BUB3: variants seen among roughly 807,000 people sequenced by gnomAD.
BUB3 encodes mitotic checkpoint protein BUB3.
Under a neutral mutation model 39.9 loss-of-function variants are expected in BUB3, and 22 were observed. The observed-to-expected ratio is 0.55, with a 90% confidence interval of 0.39 to 0.79. The LOEUF (loss-of-function observed/expected upper bound fraction) is 0.79, where lower values mean the gene tolerates loss of function less well. Among genes scored for constraint, BUB3 ranks in the 30% least tolerant of loss-of-function variants. The pLI is 0.00. For synonymous variants in BUB3, 168 were observed against 155.1 expected (o/e 1.08, Z -0.62); for missense variants, 303 against 415.4 (o/e 0.73, Z 2.35).
chr10:123,162,262 C>T lies in BUB3; in HGVS notation c.603C>T (p.Gly201=), dbSNP rs753308768. 44 of 1,613,866 alleles carry T rather than the reference C, an allele frequency of 2.7e-5. No individual in the cohort carries two copies. The Admixed American group carries it at 5.5e-4, about 20-fold the overall frequency. The change falls in exon 6 of 8, where the codon GGC becomes GGT. Residue 201 remains glycine, a synonymous_variant. Coordinates refer to ENST00000368865, the MANE Select transcript of BUB3 (RefSeq NM_004725.4). ...GTTATGTATTAAGCTCTATTGAAGG[C>T]CGAGTGGCAGTTGAGTATTTGGACC... The part of the protein sequence containing the change: ...KQGYVLSSIE[G]RVAVEYLDPS...
chr10:123,165,085 A>G lies in BUB3; in HGVS notation c.*1250A>G. On this transcript the variant is annotated 3_prime_UTR_variant, in exon 8 of 8. Transcript: ENST00000368865. ...TCCTGTGAAAGTGGTTTCTCTATGG[A>G]AAGCTTTGTTTGCTTCCTACAAATA... is the stretch of plus-strand genomic sequence containing the variant. 5.0e-6 allele frequency: 8 copies of G among 1,606,058 alleles called. No individual in the cohort carries two copies. Among genetic ancestry groups the G allele is most frequent in the Non-Finnish European group, 6.8e-6 (8 of 1,174,608 alleles).
rs561613803 is a variant in BUB3 at position 123,166,003 on chromosome 10, G to A, written c.*2168G>A. 5.9e-5 allele frequency: 9 copies of A among 152,298 alleles called. No individual in the cohort carries two copies. Among genetic ancestry groups the A allele is most frequent in the Admixed American group, 2.0e-4 (3 of 15,300 alleles). The allele number at this position is 152,298 out of a possible 1,614,324, so 9.4% of individuals were successfully genotyped here. On this transcript the variant is annotated 3_prime_UTR_variant, in exon 8 of 8. Coordinates refer to ENST00000368865, the MANE Select transcript of BUB3 (RefSeq NM_004725.4). ...GTAATGTGGACTTGTTTTTGAGGTG[G>A]TGAGGGAGGGCTTATTTTGTGGTTC...
Position 123,163,923 on chromosome 10 carries a change from A to T in BUB3, c.*88A>T. The T allele has an allele frequency of 7.2e-7, 1 of 1,398,184 alleles. No individual in the cohort carries two copies. The highest frequency in any genetic ancestry group is 9.5e-7 in the Non-Finnish European group (1 of 1,055,332). 86.6% of individuals were successfully genotyped at this position (1,398,184 alleles called of 1,614,324 possible). The stretch of plus-strand genomic sequence containing the variant: ...TGGATTTATTACTATTAAAGAAACC[A>T]GGGAAAATATTAATTTTAATATTAT... On this transcript the variant is annotated 3_prime_UTR_variant, in exon 8 of 8. Transcript: ENST00000368865.
chr10:123,167,171 A>G lies in BUB3; in HGVS notation c.*3336A>G, dbSNP rs1844503259. The G allele has an allele frequency of 6.6e-6, 1 of 152,216 alleles. No individual in the cohort carries two copies. Among genetic ancestry groups the G allele is most frequent in the African/African-American group, 2.4e-5 (1 of 41,448 alleles). 9.4% of individuals were successfully genotyped at this position (152,216 alleles called of 1,614,324 possible). A position where few individuals can be genotyped will look rare whatever the true frequency, so the allele number is the denominator to read the frequency against. On this transcript the variant is annotated 3_prime_UTR_variant, in exon 8 of 8. Transcript: ENST00000368865. ...ATTTTACCTTTTACCACTCCCCCAGAAAACACTGGGGTTCTTCTCTTACGC... is the reference window on the plus strand; with the variant it reads ...ATTTTACCTTTTACCACTCCCCCAGGAAACACTGGGGTTCTTCTCTTACGC...
rs1260547288 is a variant in BUB3, at chr10:123,167,526, A to G, written c.*3691A>G. ...CAAGAGCAGGACCACATCTTTTTGTATGCTCTGGCACATGACTGTTGGACC... is the reference window on the plus strand; with the variant it reads ...CAAGAGCAGGACCACATCTTTTTGTGTGCTCTGGCACATGACTGTTGGACC... On this transcript the variant is annotated 3_prime_UTR_variant, in exon 8 of 8. Transcript: ENST00000368865. 2.0e-5 allele frequency: 3 copies of G among 152,172 alleles called. No individual in the cohort carries two copies. The highest frequency in any genetic ancestry group is 4.4e-5 in the Non-Finnish European group (3 of 68,024). The allele number at this position is 152,172 out of a possible 1,614,324, so 9.4% of individuals were successfully genotyped here.
chr10:123,157,726 T>C lies in BUB3; in HGVS notation c.266-3T>C. Reference sequence around the variant, plus strand: ...GTTTTTTCCCCTTTTTTTTTCTCTATAGAAAATCTTGTTGGGACCCATGAT... The same window carrying C: ...GTTTTTTCCCCTTTTTTTTTCTCTACAGAAAATCTTGTTGGGACCCATGAT... On this transcript the variant is annotated splice_region_variant and splice_polypyrimidine_tract_variant and intron_variant, in intron 3 of 7. Coordinates refer to ENST00000368865, the MANE Select transcript of BUB3 (RefSeq NM_004725.4). 6.4e-7 allele frequency: 1 copy of C among 1,573,604 alleles called. No individual in the cohort carries two copies.
At position 123,164,807 on chromosome 10, in the gene BUB3, G is replaced by T; in HGVS notation, c.*972G>T. On this transcript the variant is annotated 3_prime_UTR_variant, in exon 8 of 8. Coordinates refer to ENST00000368865, the MANE Select transcript of BUB3 (RefSeq NM_004725.4). The stretch of plus-strand genomic sequence containing the variant: ...TGCACTAAAGCAGAACACGAACTTA[G>T]CTTGGCCTATTCTAGGTAGTTCCAA... 1.6e-6 allele frequency: 2 copies of T among 1,271,852 alleles called. No homozygotes were observed. Among genetic ancestry groups the T allele is most frequent in the Non-Finnish European group, 2.0e-6 (2 of 1,007,902 alleles). The allele number at this position is 1,271,852 out of a possible 1,614,324, so 78.8% of individuals were successfully genotyped here.
chr10:123,164,756 T>G lies in BUB3; in HGVS notation c.*921T>G. 8.8e-7 allele frequency: 1 copy of G among 1,137,096 alleles called. No individual in the cohort carries two copies. The highest frequency in any genetic ancestry group is 1.1e-6 in the Non-Finnish European group (1 of 927,940). The allele number at this position is 1,137,096 out of a possible 1,614,324, so 70.4% of individuals were successfully genotyped here. On this transcript the variant is annotated 3_prime_UTR_variant, in exon 8 of 8. Transcript: ENST00000368865. The stretch of plus-strand genomic sequence containing the variant: ...AAAGTTAAAAAGAAAAAAATTATAG[T>G]GAGAATGAGATTCATTTCAATGTAA...
chr10:123,154,992 C>A lies in BUB3; in HGVS notation c.75C>A (p.Asn25Lys). Reference sequence around the variant, plus strand: ...TCTCCTCCGTGAAGTTCAGCCCCAACACCTCCCAGTTCCTGCTTGTCTCCT... The same window carrying A: ...TCTCCTCCGTGAAGTTCAGCCCCAAAACCTCCCAGTTCCTGCTTGTCTCCT... The part of the protein sequence containing the change: ...DGISSVKFSP[N>K]TSQFLLVSSW... The change falls in exon 2 of 8, where the codon AAC becomes AAA. Residue 25 changes from asparagine (N) to lysine (K), a missense_variant. By Grantham distance (94) the Asn-to-Lys change is moderately conservative. Coordinates refer to ENST00000368865, the MANE Select transcript of BUB3 (RefSeq NM_004725.4). 6.2e-7 allele frequency: 1 copy of A among 1,614,080 alleles called. No homozygotes were observed. The highest frequency in any genetic ancestry group is 2.2e-5 in the East Asian group (1 of 44,884).
intron 4 of BUB3, among the ~76,000 whole-genome samples, chr10:123,159,235 TAG>T (rs1844388043): frequency 6.6e-6 from 1 of 152,246 alleles, no homozygotes. Flanking sequence ...GGCCAGATTC[TAG>T]AGAGGGGTGG....
At chr10:123,159,430 G>A (rs575615996) in intron 4 of BUB3, among the ~76,000 whole-genome samples, 13 of 152,312 alleles carry the variant, frequency 8.5e-5, no homozygotes, top group Admixed American at 2.6e-4. Flanking sequence ...TCAGATTAGA[G>A]TTTCTTATTA....
rs773825617 is a variant in BUB3, at chr10:123,155,019, C to T, written c.102C>T (p.Ser34=). ...PNTSQFLLVS[S]WDTSVRLYDV... ...CCTCCCAGTTCCTGCTTGTCTCCTC[C>T]TGGGACACGTCCGTGCGTCTCTACG... Residue 34 remains serine (S), a synonymous_variant, in exon 2 of 8, where the codon TCC becomes TCT. Transcript: ENST00000368865. 1 of 1,614,212 alleles carries T rather than the reference C, an allele frequency of 6.2e-7. No individual in the cohort carries two copies. The highest frequency in any genetic ancestry group is 1.1e-5 in the South Asian group (1 of 91,086).
chr10:123,166,837 T>G lies in BUB3; in HGVS notation c.*3002T>G, dbSNP rs1311628008. On this transcript the variant is annotated 3_prime_UTR_variant, in exon 8 of 8. Coordinates refer to ENST00000368865, the MANE Select transcript of BUB3 (RefSeq NM_004725.4). ...GTTGTGTAAAAACTTAAAGGTATAT[T>G]AGCAGGTTAGCCTTTGTTCTGTGGG... The G allele has an allele frequency of 6.6e-6, 1 of 152,234 alleles. No individual in the cohort carries two copies. The highest frequency in any genetic ancestry group is 2.4e-5 in the African/African-American group (1 of 41,460). 9.4% of individuals were successfully genotyped at this position (152,234 alleles called of 1,614,324 possible).
intron 5 of BUB3, 121 bp from the exon 6 acceptor site, chr10:123,162,115 G>A (rs1414302052): frequency 1.1e-6 from 1 of 877,168 alleles, no homozygotes; most frequent in Non-Finnish European, 1.8e-6. Flanking sequence ...CTTCATTAAA[G>A]CCTGCTGTAC....
At chr10:123,162,552 A>C (rs1379923208) in intron 6 of BUB3, 60 bp from the exon 7 acceptor site, 4 of 1,567,514 alleles carry the variant, frequency 2.6e-6, no homozygotes, top group Non-Finnish European at 3.5e-6. Flanking sequence ...CTGTTAAGAG[A>C]ATGGTTATTT....
chr10:123,155,592 A>G (rs1396427731), intron 2 of BUB3, 66 bp from the exon 3 acceptor site: 19 of 1,448,844 alleles, frequency 1.3e-5, no homozygotes, highest in Non-Finnish European at 1.7e-5. Context: ...ACTTGCTTGT[A>G]GAAATAAGAA....
rs1844367924 is a variant in BUB3 at position 123,157,720 on chromosome 10, T to TC, written c.266-8dup. 1 of 1,562,302 alleles carries TC rather than the reference T, an allele frequency of 6.4e-7. No homozygotes were observed. Among genetic ancestry groups the TC allele is most frequent in the Non-Finnish European group, 8.7e-7 (1 of 1,153,038 alleles). ...GTTGGGGTTTTTTCCCCTTTTTTTT[T>TC]CTCTATAGAAAATCTTGTTGGGACC... On this transcript the variant is annotated splice_polypyrimidine_tract_variant and intron_variant, in intron 3 of 7. Coordinates refer to ENST00000368865, the MANE Select transcript of BUB3 (RefSeq NM_004725.4).
rs1361719591 is a variant in BUB3, at chr10:123,169,736, C to T, written c.*5901C>T. The T allele has an allele frequency of 6.6e-6, 1 of 152,204 alleles. No homozygotes were observed. Among genetic ancestry groups the T allele is most frequent in the Non-Finnish European group, 1.5e-5 (1 of 68,048 alleles). 9.4% of individuals were successfully genotyped at this position (152,204 alleles called of 1,614,324 possible). On this transcript the variant is annotated 3_prime_UTR_variant, in exon 8 of 8. Transcript: ENST00000368865. Reference sequence around the variant, plus strand: ...GCCTGTCACTCATCCAGAATTGAATCTGCTGGTTTAACAGGTCAGGCAGTG... The same window carrying T: ...GCCTGTCACTCATCCAGAATTGAATTTGCTGGTTTAACAGGTCAGGCAGTG...
intron 6 of BUB3, 34 bp downstream of exon 6, chr10:123,162,447 T>C (rs1324294519): frequency 6.9e-6 from 11 of 1,600,306 alleles, no homozygotes; most frequent in Non-Finnish European, 8.5e-6. Flanking sequence ...TATTTAATTA[T>C]TATACTATTT....
Sources: gnomAD v4.1 joint callset for allele counts (sites outside exome capture counted in the v4.1 genomes callset) on GRCh38, gnomAD v4.1.1 for gene constraint, MANE v1.5 for transcripts, NCBI Gene and HGNC (gene_info 2026-07-23, HGNC 2026-07-21) for gene names.